RNFT2: variants seen among roughly 807,000 people sequenced by gnomAD.
RNFT2 encodes the protein ring finger protein, transmembrane 2.
In RNFT2, 36 loss-of-function variants were observed where a neutral mutation model predicts 53.0. That is an observed-to-expected ratio of 0.68 (90% confidence interval 0.52 to 0.90). The LOEUF (loss-of-function observed/expected upper bound fraction) is 0.90, where lower values mean the gene tolerates loss of function less well. RNFT2 is among the 40% of genes least tolerant of loss of function. The pLI, the probability that RNFT2 is intolerant of heterozygous loss-of-function variation, is 0.00. For missense variants in RNFT2, 514 were observed against 585.6 expected (o/e 0.88, Z 1.26); for synonymous variants, 260 against 253.2 (o/e 1.03, Z -0.26).
intron 7 of RNFT2, among the ~76,000 whole-genome samples, chr12:116,804,760 A>G (rs1023013951): frequency 2.4e-4 from 37 of 152,284 alleles, no homozygotes; most frequent in African/African-American, 8.4e-4. Context: ...GACCCCTAGG[A>G]GTTCAAGACC....
rs140178133 is a variant in RNFT2, at chr12:116,834,850, CTT to C, written c.1032+926_1032+927del. Among the ~76,000 whole-genome samples, 79 of 136,570 alleles carry C rather than the reference CTT, an allele frequency of 5.8e-4. 1 individual carries two copies. Among genetic ancestry groups the C allele is most frequent in the Middle Eastern group, 7.8e-3 (2 of 258 alleles). 89.6% of individuals were successfully genotyped at this position (136,570 alleles called of 152,430 possible). On this transcript the variant is annotated intron_variant, in intron 8 of 10. Coordinates refer to ENST00000257575, the MANE Select transcript of RNFT2 (RefSeq NM_001382266.1). Reference sequence around the variant, plus strand: ...TTCAAGGTACATACTATTATTACTCCTTTTTTTTTTTTTTTTTTAGACCGAGT... The same window carrying C: ...TTCAAGGTACATACTATTATTACTCCTTTTTTTTTTTTTTTTAGACCGAGT...
intron 7 of RNFT2, among the ~76,000 whole-genome samples, chr12:116,832,059 A>T (rs914444724): frequency 2.0e-5 from 3 of 149,348 alleles, no homozygotes; most frequent in African/African-American, 7.4e-5. Context: ...TGAACCTGGG[A>T]AGTCGAGGCT....
intron 4 of RNFT2, among the ~76,000 whole-genome samples, chr12:116,752,429 T>G (rs188238153): frequency 6.6e-6 from 1 of 152,292 alleles, no homozygotes; most frequent in East Asian, 1.9e-4. Flanking sequence ...TATTTTTCAC[T>G]TGGCAGGTTT....
At chr12:116,818,724 C>T (rs1875827315) in intron 7 of RNFT2, among the ~76,000 whole-genome samples, 1 of 152,188 alleles carries the variant, frequency 6.6e-6, no homozygotes, top group African/African-American at 2.4e-5. Flanking sequence ...GCTGTAGAGT[C>T]AAGTCACCTG....
intron 6 of RNFT2, among the ~76,000 whole-genome samples, chr12:116,775,326 CACCA>C (rs1873386765): frequency 1.0e-3 from 1 of 986 alleles, no homozygotes; most frequent in Non-Finnish European, 2.4e-3. Flanking sequence ...TTACTGAAGT[CACCA>C]GAAGTCACCA....
At chr12:116,769,299 A>G (rs1423655618) in intron 6 of RNFT2, among the ~76,000 whole-genome samples, 1 of 152,182 alleles carries the variant, frequency 6.6e-6, no homozygotes, top group African/African-American at 2.4e-5. Context: ...CAGAGGTTGC[A>G]GTGAGCCGTG....
chr12:116,744,472 T>C (rs1411557061), intron 3 of RNFT2, among the ~76,000 whole-genome samples: 1 of 152,180 alleles, frequency 6.6e-6, no homozygotes, highest in Admixed American at 6.5e-5. Context: ...GCACCCATTT[T>C]ACAAATGCAG....
At chr12:116,770,180 A>G (rs1873112026) in intron 6 of RNFT2, among the ~76,000 whole-genome samples, 1 of 152,204 alleles carries the variant, frequency 6.6e-6, no homozygotes, top group South Asian at 2.1e-4. Context: ...TGCAAGCTCC[A>G]GTGATAGTAA....
chr12:116,804,861 G>A (rs987183695), intron 7 of RNFT2, among the ~76,000 whole-genome samples: 2 of 152,170 alleles, frequency 1.3e-5, no homozygotes, highest in Admixed American at 1.3e-4. Context: ...CAGCTATTCA[G>A]GAAGCCGAAG....
At chr12:116,793,715 C>T (rs1874358084) in intron 7 of RNFT2, among the ~76,000 whole-genome samples, 1 of 152,148 alleles carries the variant, frequency 6.6e-6, no homozygotes, top group Admixed American at 6.5e-5. Context: ...TGGCTGTCTC[C>T]TTCCCATCAC....
At chr12:116,797,266 G>A (rs76366432) in intron 7 of RNFT2, among the ~76,000 whole-genome samples, 1 of 152,218 alleles carries the variant, frequency 6.6e-6, no homozygotes, top group East Asian at 1.9e-4. Context: ...TGGAAATAGG[G>A]TCTATAAAGA....
Position 116,750,785 on chromosome 12 carries a change from ATATG to A in RNFT2, c.550+480_550+483del, listed in dbSNP as rs535301902. On this transcript the variant is annotated intron_variant, in intron 4 of 10. Coordinates refer to ENST00000257575, the MANE Select transcript of RNFT2 (RefSeq NM_001382266.1). Reference sequence around the variant, plus strand: ...ATGTGTAAAACACATTATTTTTACTATATGTGTGTGTGTATATATATATAATATA... The same window carrying A: ...ATGTGTAAAACACATTATTTTTACTATGTGTGTGTATATATATATAATATA... 1.5e-3 allele frequency among the ~76,000 whole-genome samples: 184 copies of A among 124,828 alleles called. 2 individuals are homozygous for A. The highest frequency in any genetic ancestry group is 5.6e-3 in the African/African-American group (176 of 31,278). 81.9% of individuals were successfully genotyped at this position (124,828 alleles called of 152,430 possible).
At chr12:116,753,560 T>G (rs1872355076) in intron 4 of RNFT2, among the ~76,000 whole-genome samples, 2 of 152,216 alleles carry the variant, frequency 1.3e-5, no homozygotes, top group Admixed American at 1.3e-4. Flanking sequence ...CTGCTAGGGA[T>G]TATGATCTAG....
At chr12:116,755,518 C>G (rs3926590) in intron 5 of RNFT2, 813,371 of 872,454 alleles carry the variant, frequency 0.93, 380,288 homozygotes, top group Admixed American at 0.95. Context: ...CTTTCTCTTC[C>G]GCTTCTTTCT....
chr12:116,763,793 G>A (rs1034517956), intron 5 of RNFT2, among the ~76,000 whole-genome samples: 5 of 136,690 alleles, frequency 3.7e-5, no homozygotes, highest in Non-Finnish European at 6.2e-5. Flanking sequence ...AAAAAAGGGG[G>A]CGGGGGGGGA....
chr12:116,841,860 TATATATATAA>T (rs1215007666), intron 10 of RNFT2, among the ~76,000 whole-genome samples: 7 of 25,484 alleles, frequency 2.7e-4, no homozygotes, highest in South Asian at 7.6e-4. Context: ...TATATAAAAA[TATATATATAA>T]ATATATATAT....
Position 116,851,737 on chromosome 12 carries a change from T to A in RNFT2, c.*2289T>A. 2 of 713,544 alleles carry A rather than the reference T, an allele frequency of 2.8e-6. No individual in the cohort carries two copies. Among genetic ancestry groups the A allele is most frequent in the South Asian group, 1.5e-5 (1 of 65,892 alleles). 44.2% of individuals were successfully genotyped at this position (713,544 alleles called of 1,614,324 possible). ...ACCTGGGTGACAGAGTGAGTGAGAC[T>A]CTGTCTAAAAAAAAAAAGAAAGAAA... On this transcript the variant is annotated 3_prime_UTR_variant, in exon 11 of 11. Coordinates refer to ENST00000257575, the MANE Select transcript of RNFT2 (RefSeq NM_001382266.1).
chr12:116,852,784 A>G lies in RNFT2; in HGVS notation c.*3336A>G, dbSNP rs756650185. The G allele has an allele frequency of 6.6e-7, 1 of 1,512,290 alleles. No homozygotes were observed. The highest frequency in any genetic ancestry group is 9.2e-7 in the Non-Finnish European group (1 of 1,087,928). The allele number at this position is 1,512,290 out of a possible 1,614,324, so 93.7% of individuals were successfully genotyped here. ...AAACTCTTTATTACTTTGGGAAGTCACTCAGCCTCCCTGTAGCCATCTCCA... is the reference window on the plus strand; with the variant it reads ...AAACTCTTTATTACTTTGGGAAGTCGCTCAGCCTCCCTGTAGCCATCTCCA... On this transcript the variant is annotated 3_prime_UTR_variant, in exon 11 of 11. Transcript: ENST00000257575.
intron 7 of RNFT2, among the ~76,000 whole-genome samples, chr12:116,792,325 C>CA (rs1162497270): frequency 6.6e-6 from 1 of 152,174 alleles, no homozygotes; most frequent in African/African-American, 2.4e-5. Flanking sequence ...GCTGGGATTA[C>CA]AGGTATGAGC....
Sources: allele counts gnomAD v4.1 joint callset (sites outside exome capture counted in the v4.1 genomes callset), GRCh38; gene constraint gnomAD v4.1.1; transcripts MANE v1.5; gene names NCBI Gene and HGNC (gene_info 2026-07-23, HGNC 2026-07-21).